The following SLC9A6 variants were observed in gnomAD, a reference collection of about 807,000 sequenced individuals.
SLC9A6 encodes sodium/hydrogen exchanger 6.
Under a neutral mutation model 45.3 loss-of-function variants are expected in SLC9A6, and 6 were observed. That is an observed-to-expected ratio of 0.13 (90% CI 0.07 to 0.26). The LOEUF is 0.26. Among genes scored for constraint, SLC9A6 ranks in the 10% least tolerant of loss-of-function variants. The pLI is 1.00. For synonymous variants in SLC9A6, 191 were observed against 187.7 expected (o/e 1.02, Z -0.14); for missense variants, 278 against 503.7 (o/e 0.55, Z 4.29).
intron 12 of SLC9A6, 143 bp downstream of exon 12, chrX:136,022,840 C>G: frequency 3.0e-6 from 1 of 337,089 alleles, no homozygotes; most frequent in Non-Finnish European, 5.5e-6. Flanking sequence ...GACACTGTTT[C>G]ACTCTGTCGC....
chrX:136,024,106 C>T (rs1556620278), intron 12 of SLC9A6, among the ~76,000 whole-genome samples: 3 of 111,422 alleles, frequency 2.7e-5, no homozygotes, highest in Admixed American at 9.5e-5. Context: ...AGGCTGGTCT[C>T]GAACTCCTGA....
chrX:136,025,760 C>T lies in SLC9A6; in HGVS notation c.1460+1277C>T, dbSNP rs1556620504. ...AGGCTTAGAAAGGTTCTGAGTTGTT[C>T]AAGGTCATCTGGATAATTAAATGGC... is the stretch of plus-strand genomic sequence containing the variant. On this transcript the variant is annotated intron_variant, in intron 13 of 17. Coordinates refer to ENST00000630721, the MANE Select transcript of SLC9A6 (RefSeq NM_001379110.1). 3.6e-5 allele frequency among the ~76,000 whole-genome samples: 4 copies of T among 111,633 alleles called. No homozygotes were observed. The Admixed American group carries it at 3.8e-4, about 11-fold the overall frequency.
chrX:136,016,966 A>T (rs1424643517), intron 11 of SLC9A6, among the ~76,000 whole-genome samples: 1 of 111,585 alleles, frequency 9.0e-6, no homozygotes, highest in Non-Finnish European at 1.9e-5. Flanking sequence ...ATGTTGACAG[A>T]TTAAAATGAC....
chrX:136,005,615 A>T (rs143650406), intron 7 of SLC9A6, among the ~76,000 whole-genome samples: 7,734 of 108,756 alleles, frequency 0.071, 323 homozygotes, highest in African/African-American at 0.15. Flanking sequence ...CAGGAGGCGG[A>T]AGTTGCGGTG....
intron 6 of SLC9A6, among the ~76,000 whole-genome samples, chrX:136,000,676 A>G: frequency 8.9e-6 from 1 of 111,892 alleles, no homozygotes; most frequent in Non-Finnish European, 1.9e-5. Flanking sequence ...CATTTCTATT[A>G]TTTTACCATT....
At chrX:135,998,265 G>A in intron 4 of SLC9A6, 80 bp downstream of exon 4, 1 of 664,086 alleles carries the variant, frequency 1.5e-6, no homozygotes, top group Non-Finnish European at 2.5e-6. Context: ...TCAGAAATGG[G>A]CTGTTCTTTC....
intron 15 of SLC9A6, 170 bp downstream of exon 15, chrX:136,030,332 A>G: frequency 1.9e-6 from 1 of 520,533 alleles, no homozygotes; most frequent in Non-Finnish European, 3.3e-6. Flanking sequence ...TAGAGACAAA[A>G]CCAAGTTTGC....
At chrX:136,036,088 A>G (rs1210870719) in intron 16 of SLC9A6, among the ~76,000 whole-genome samples, 2 of 111,003 alleles carry the variant, frequency 1.8e-5, no homozygotes, top group African/African-American at 3.3e-5. Flanking sequence ...GACATTGCCA[A>G]CCAACCAGTT....
Position 136,035,100 on chromosome X carries a change from A to G in SLC9A6, c.1661+1607A>G, listed in dbSNP as rs182056589. 7.1e-5 allele frequency among the ~76,000 whole-genome samples: 8 copies of G among 112,286 alleles called. No individual in the cohort carries two copies. The East Asian group carries it at 1.7e-3, about 23-fold the overall frequency. On this transcript the variant is annotated intron_variant, in intron 16 of 17. Transcript: ENST00000630721. ...GGCTTGTTTGACTCAGTACTGCCCT[A>G]TTAAGTCCTACTCAATGAAGACCTG...
At chrX:136,026,645 C>T (rs1556620593) in intron 13 of SLC9A6, among the ~76,000 whole-genome samples, 2 of 110,434 alleles carry the variant, frequency 1.8e-5, no homozygotes, top group Non-Finnish European at 3.8e-5. Context: ...AAGCAATTCT[C>T]CTGCCTCAGC....
intron 15 of SLC9A6, among the ~76,000 whole-genome samples, chrX:136,031,055 G>C (rs1018591911): frequency 1.8e-5 from 2 of 111,808 alleles, no homozygotes; most frequent in Non-Finnish European, 3.8e-5. Context: ...ATGTATGTAT[G>C]AGATATAGTA....
chrX:136,007,839 G>A (rs2089681154), intron 7 of SLC9A6, among the ~76,000 whole-genome samples: 1 of 111,363 alleles, frequency 9.0e-6, no homozygotes, highest in Admixed American at 9.6e-5. Context: ...TAGCATGGCA[G>A]TGAGCATATT....
intron 12 of SLC9A6, among the ~76,000 whole-genome samples, chrX:136,023,994 A>T (rs2071184136): frequency 9.1e-6 from 1 of 110,267 alleles, no homozygotes; most frequent in African/African-American, 3.3e-5. Context: ...GGTTCAAGCA[A>T]TTCTGCCTCA....
intron 17 of SLC9A6, among the ~76,000 whole-genome samples, chrX:136,040,635 T>C: frequency 8.9e-6 from 1 of 112,364 alleles, no homozygotes; most frequent in Middle Eastern, 4.6e-3. Context: ...GGGAAAGCTA[T>C]CTGCCTCTGT....
At chrX:136,001,738 C>A (rs1183338646) in intron 6 of SLC9A6, among the ~76,000 whole-genome samples, 2 of 112,267 alleles carry the variant, frequency 1.8e-5, no homozygotes. Context: ...AGATTCTTTT[C>A]ATAATATTCT....
chrX:135,981,583 A>G (rs1450890449), upstream of SLC9A6, among the ~76,000 whole-genome samples: 1 of 112,322 alleles, frequency 8.9e-6, no homozygotes, highest in Non-Finnish European at 1.9e-5. Flanking sequence ...CTATCCAAGT[A>G]GAAGGAACAC....
intron 11 of SLC9A6, 52 bp downstream of exon 11, chrX:136,016,810 A>G (rs782616460): frequency 8.3e-6 from 6 of 722,416 alleles, no homozygotes; most frequent in Non-Finnish European, 1.3e-5. Context: ...TGAGATTTTC[A>G]TGTGGGTTTT....
chrX:136,015,540 A>G (rs1251172884), intron 10 of SLC9A6, among the ~76,000 whole-genome samples: 1 of 111,412 alleles, frequency 9.0e-6, no homozygotes, highest in Non-Finnish European at 1.9e-5. Flanking sequence ...GATAATAATA[A>G]TACCTACCTC....
chrX:135,989,933 C>G (rs782490727), intron 2 of SLC9A6, among the ~76,000 whole-genome samples: 2 of 108,629 alleles, frequency 1.8e-5, no homozygotes, highest in African/African-American at 6.7e-5. Context: ...TTTTGAGACG[C>G]GTTAGGACCT....
Sources: gnomAD v4.1 joint callset for allele counts (sites outside exome capture counted in the v4.1 genomes callset) on GRCh38, gnomAD v4.1.1 for gene constraint, MANE v1.5 for transcripts, NCBI Gene and HGNC (gene_info 2026-07-23, HGNC 2026-07-21) for gene names.